The following MTREX variants were observed in gnomAD, a reference collection of about 807,000 sequenced individuals.
MTREX encodes exosome RNA helicase MTR4.
MTREX carries 76 observed loss-of-function variants against 135.4 expected under a neutral mutation model. The ratio of observed to expected loss-of-function variants is 0.56; its 90% CI spans 0.47 to 0.68. The LOEUF (loss-of-function observed/expected upper bound fraction) is 0.68, where lower values mean the gene tolerates loss of function less well. MTREX is among the 30% of genes least tolerant of loss of function. The pLI is 0.00. For missense variants in MTREX, 920 were observed against 1,262.1 expected, an observed-to-expected ratio of 0.73 and a Z score of 4.11; for synonymous variants, 404 against 401.6, an observed-to-expected ratio of 1.01 and a Z score of -0.07.
At chr5:55,385,004 G>A (rs1579885127) in intron 18 of MTREX, among the ~76,000 whole-genome samples, 1 of 152,172 alleles carries the variant, frequency 6.6e-6, no homozygotes, top group South Asian at 2.1e-4. Flanking sequence ...CACAACCTCT[G>A]CTGTTTCTGA....
chr5:55,394,607 G>A (rs1750619042), intron 19 of MTREX, among the ~76,000 whole-genome samples: 1 of 152,136 alleles, frequency 6.6e-6, no homozygotes, highest in African/African-American at 2.4e-5. Flanking sequence ...CTGACAAGAG[G>A]GGGAGTTCAG....
intron 15 of MTREX, among the ~76,000 whole-genome samples, chr5:55,365,784 G>C (rs1426988620): frequency 6.6e-6 from 1 of 152,078 alleles, no homozygotes; most frequent in Admixed American, 6.6e-5. Context: ...GAGGTCAAGA[G>C]ATCGAGACTA....
At chr5:55,415,790 G>T (rs911597178) in intron 24 of MTREX, among the ~76,000 whole-genome samples, 180 bp from the exon 25 acceptor site, 1 of 152,072 alleles carries the variant, frequency 6.6e-6, no homozygotes, top group Admixed American at 6.5e-5. Flanking sequence ...GGAAAGATTG[G>T]CCGTTTAATC....
chr5:55,353,459 T>C (rs1016217412), intron 14 of MTREX, among the ~76,000 whole-genome samples, 190 bp downstream of exon 14: 4 of 152,148 alleles, frequency 2.6e-5, no homozygotes, highest in African/African-American at 9.7e-5. Context: ...TCACAGCACT[T>C]TGGGAGGCCA....
chr5:55,402,525 C>T (rs1750737879), intron 21 of MTREX, among the ~76,000 whole-genome samples: 1 of 151,920 alleles, frequency 6.6e-6, no homozygotes, highest in Non-Finnish European at 1.5e-5. Context: ...AAGACCTTGT[C>T]TGGCTGAAGG....
chr5:55,337,406 A>C (rs568394625), intron 5 of MTREX, among the ~76,000 whole-genome samples: 1 of 152,190 alleles, frequency 6.6e-6, no homozygotes, highest in Non-Finnish European at 1.5e-5. Context: ...CAGCCTCCCA[A>C]AGTGCTGGGA....
At chr5:55,324,381 G>T (rs1579849050) in intron 3 of MTREX, 183 bp downstream of exon 3, 1 of 178,858 alleles carries the variant, frequency 5.6e-6, no homozygotes, top group Non-Finnish European at 1.1e-5. Context: ...TCCTCCCCCA[G>T]CATTTTTCTT....
At position 55,400,316 on chromosome 5, in the gene MTREX, A is replaced by C; in HGVS notation, c.2376A>C (p.Lys792Asn). 1 of 1,613,600 alleles carries C rather than the reference A, an allele frequency of 6.2e-7. No individual in the cohort carries two copies. The highest frequency in any genetic ancestry group is 8.5e-7 in the Non-Finnish European group (1 of 1,179,718). ...GCATTCAAGATCAAGGGCTGAAAAA[A>C]GTCATTCAGAAAGTAGAAGCTTTTG... is the stretch of plus-strand genomic sequence containing the variant. ...DMGIQDQGLK[K>N]VIQKVEAFEH... Residue 792 changes from lysine (K) to asparagine (N), a missense_variant, in exon 21 of 27, where the codon AAA (lysine) becomes AAC (asparagine). Lys to Asn is a moderately conservative substitution (Grantham distance 94, BLOSUM62 0). This residue lies in a region of MTREX where 467 missense variants were observed against 589.7 expected (regional missense o/e 0.79). Coordinates refer to ENST00000230640, the MANE Select transcript of MTREX (RefSeq NM_015360.5).
chr5:55,384,625 C>A (rs1750449807), intron 18 of MTREX, among the ~76,000 whole-genome samples: 1 of 152,168 alleles, frequency 6.6e-6, no homozygotes, highest in African/African-American at 2.4e-5. Context: ...TATTCCCCTC[C>A]CTGCCTCCAC....
intron 4 of MTREX, among the ~76,000 whole-genome samples, chr5:55,328,478 T>A (rs954498554): frequency 1.3e-5 from 2 of 152,168 alleles, no homozygotes; most frequent in African/African-American, 4.8e-5. Context: ...CATAATGTGA[T>A]GATTGAAAGA....
At chr5:55,410,198 TAA>T (rs1750864791) in intron 22 of MTREX, among the ~76,000 whole-genome samples, 1 of 152,340 alleles carries the variant, frequency 6.6e-6, no homozygotes, top group South Asian at 2.1e-4. Context: ...GAAAAATAAT[TAA>T]AAGAGTCCTT....
chr5:55,312,093 C>T (rs990759675), intron 1 of MTREX, among the ~76,000 whole-genome samples: 1 of 152,176 alleles, frequency 6.6e-6, no homozygotes. Flanking sequence ...GCTTTAGCAC[C>T]TAGTGATAAT....
intron 18 of MTREX, 148 bp downstream of exon 18, chr5:55,379,343 C>G (rs779811241): frequency 3.7e-6 from 2 of 540,934 alleles, no homozygotes; most frequent in Non-Finnish European, 6.5e-6. Flanking sequence ...TTGGAATACA[C>G]CCGGCTAATT....
chr5:55,309,850 G>C (rs906864286), intron 1 of MTREX, among the ~76,000 whole-genome samples: 1 of 152,136 alleles, frequency 6.6e-6, no homozygotes, highest in African/African-American at 2.4e-5. Context: ...AGAGATTAGA[G>C]GGATAAGAGA....
chr5:55,363,218 G>A (rs1309993068), intron 15 of MTREX, among the ~76,000 whole-genome samples: 1 of 152,108 alleles, frequency 6.6e-6, no homozygotes, highest in Non-Finnish European at 1.5e-5. Context: ...CTTTTTTGAA[G>A]AAGTGGGAAG....
chr5:55,369,070 G>A (rs1469435560), intron 16 of MTREX, among the ~76,000 whole-genome samples: 1 of 151,684 alleles, frequency 6.6e-6, no homozygotes, highest in Non-Finnish European at 1.5e-5. Flanking sequence ...ATTTTTAAAA[G>A]AGCTATAAAT....
chr5:55,349,748 C>A, intron 12 of MTREX, 96 bp downstream of exon 12: 1 of 708,134 alleles, frequency 1.4e-6, no homozygotes, highest in South Asian at 1.7e-5. Flanking sequence ...TTGCACTTTT[C>A]ACACACTGTA....
chr5:55,355,361 C>T (rs749801191), intron 14 of MTREX, among the ~76,000 whole-genome samples: 1 of 152,148 alleles, frequency 6.6e-6, no homozygotes, highest in Non-Finnish European at 1.5e-5. Flanking sequence ...AATGGTGAAC[C>T]CCCTGCCCTC....
chr5:55,314,040 A>G (rs1749160338), intron 1 of MTREX, among the ~76,000 whole-genome samples: 1 of 152,070 alleles, frequency 6.6e-6, no homozygotes, highest in Admixed American at 6.6e-5. Context: ...TGTTCTCTGA[A>G]TGAACATGGT....
Sources: allele counts gnomAD v4.1 joint callset (sites outside exome capture counted in the v4.1 genomes callset), GRCh38; gene constraint gnomAD v4.1.1; regional missense constraint gnomAD v4.1.1; transcripts MANE v1.5; gene names NCBI Gene and HGNC (gene_info 2026-07-23, HGNC 2026-07-21).